The following BLTP3B variants were observed in gnomAD, a reference collection of about 807,000 sequenced individuals.
BLTP3B encodes the protein UHRF1 (ICBP90) binding protein 1-like.
At chr12:100,102,913 A>C in the BLTP3B span, 16 of 1,051,332 alleles carry the variant, frequency 1.5e-5, no homozygotes, top group South Asian at 3.0e-4. Flanking sequence ...GTATATTATT[A>C]AAGTATTATT....
At chr12:100,057,631 T>C in the BLTP3B span, 10 of 1,612,520 alleles carry the variant, frequency 6.2e-6, no homozygotes, top group Non-Finnish European at 8.5e-6. Flanking sequence ...TCTTCCAATA[T>C]CATGCTGTCA....
At chr12:100,090,060 G>T in the BLTP3B span, among the ~76,000 whole-genome samples, 17 of 152,178 alleles carry the variant, frequency 1.1e-4, no homozygotes, top group African/African-American at 3.9e-4. Flanking sequence ...GGCTTCCCCA[G>T]CCACATGGAA....
At chr12:100,121,007 G>A in the BLTP3B span, among the ~76,000 whole-genome samples, 1 of 152,160 alleles carries the variant, frequency 6.6e-6, no homozygotes, top group Non-Finnish European at 1.5e-5. Context: ...TAATAATGCT[G>A]AGTGAAAGAA....
the BLTP3B span, among the ~76,000 whole-genome samples, chr12:100,064,474 G>C: frequency 6.6e-5 from 10 of 152,126 alleles, no homozygotes; most frequent in African/African-American, 2.4e-4. Flanking sequence ...TGATTGCCTA[G>C]GCTCATTGTC....
the BLTP3B span, chr12:100,057,793 T>A: frequency 6.7e-7 from 1 of 1,493,446 alleles, no homozygotes. Context: ...AGAAAAGAAT[T>A]CTATCTAAAA....
At chr12:100,072,204 G>C in the BLTP3B span, among the ~76,000 whole-genome samples, 1 of 152,132 alleles carries the variant, frequency 6.6e-6, no homozygotes, top group South Asian at 2.1e-4. Context: ...CAAGGCTGCA[G>C]TGAGCCGAGA....
the BLTP3B span, among the ~76,000 whole-genome samples, chr12:100,055,770 C>A: frequency 6.6e-6 from 1 of 151,460 alleles, no homozygotes; most frequent in Non-Finnish European, 1.5e-5. Context: ...ACTTCAGGAG[C>A]CTCAGTTTCC....
the BLTP3B span, among the ~76,000 whole-genome samples, chr12:100,091,087 C>T: frequency 1.3e-5 from 2 of 150,344 alleles, no homozygotes; most frequent in South Asian, 4.2e-4. Flanking sequence ...AGTGTAGTGG[C>T]ATGATCTCAG....
At chr12:100,115,943 C>A in the BLTP3B span, among the ~76,000 whole-genome samples, 20 of 152,030 alleles carry the variant, frequency 1.3e-4, no homozygotes, top group African/African-American at 4.8e-4. Flanking sequence ...TTAAGGCAGG[C>A]GGATCACCTA....
At chr12:100,141,604 A>T in the BLTP3B span, among the ~76,000 whole-genome samples, 4 of 152,166 alleles carry the variant, frequency 2.6e-5, no homozygotes, top group Admixed American at 6.5e-5. Context: ...GGAATCAAGA[A>T]TTATGTTTAC....
the BLTP3B span, among the ~76,000 whole-genome samples, chr12:100,041,598 A>G: frequency 1.3e-5 from 2 of 151,976 alleles, no homozygotes. Context: ...TACCACACCC[A>G]GCTAATTTTT....
chr12:100,123,643 G>A, the BLTP3B span, among the ~76,000 whole-genome samples: 1 of 152,058 alleles, frequency 6.6e-6, no homozygotes, highest in Non-Finnish European at 1.5e-5. Context: ...AACTTCTGAC[G>A]GACAGGCTCT....
the BLTP3B span, among the ~76,000 whole-genome samples, chr12:100,082,232 C>G: frequency 6.6e-6 from 1 of 152,142 alleles, no homozygotes; most frequent in Non-Finnish European, 1.5e-5. Context: ...GTGTTCATGT[C>G]CTTTGCCCAC....
chr12:100,124,933 ATTTTATATATATATATATAT>A, the BLTP3B span, among the ~76,000 whole-genome samples: 3 of 45,092 alleles, frequency 6.7e-5, no homozygotes, highest in African/African-American at 1.8e-4. Context: ...AAAAAAAAAA[ATTTTATATATATATATATAT>A]ATATATATAT....
chr12:100,094,467 G>A, the BLTP3B span, among the ~76,000 whole-genome samples: 1 of 152,284 alleles, frequency 6.6e-6, no homozygotes, highest in East Asian at 1.9e-4. Context: ...CTTCAGGCCA[G>A]GGTCAGATGA....
the BLTP3B span, among the ~76,000 whole-genome samples, chr12:100,076,156 A>AT: frequency 1.3e-5 from 2 of 151,914 alleles, no homozygotes; most frequent in South Asian, 4.1e-4. Context: ...TTCTGGTTAC[A>AT]TTTTTTTCAC....
At chr12:100,070,151 C>A in the BLTP3B span, 1 of 1,566,114 alleles carries the variant, frequency 6.4e-7, no homozygotes. Context: ...TGAGTTTTCT[C>A]ATCTGCTTAG....
the BLTP3B span, chr12:100,128,520 T>C: frequency 9.9e-6 from 11 of 1,112,458 alleles, no homozygotes; most frequent in African/African-American, 1.6e-4. Context: ...GCAGGGCATA[T>C]TAAGTGCTTG....
the BLTP3B span, among the ~76,000 whole-genome samples, chr12:100,129,329 C>G: frequency 1.3e-5 from 2 of 152,152 alleles, no homozygotes; most frequent in Non-Finnish European, 2.9e-5. Flanking sequence ...TATGATTCAA[C>G]TAGTTAAACC....
Sources: allele counts gnomAD v4.1 joint callset (sites outside exome capture counted in the v4.1 genomes callset), GRCh38; gene constraint gnomAD v4.1.1; transcripts MANE v1.5; gene names NCBI Gene and HGNC (gene_info 2026-07-23, HGNC 2026-07-21).